TBL1X: variants seen among roughly 807,000 people sequenced by gnomAD.
TBL1X encodes the protein transducin beta like 1 X-linked.
A neutral mutation model predicts 50.7 loss-of-function variants in TBL1X; 10 were observed. The ratio of observed to expected loss-of-function variants is 0.20; its 90% CI spans 0.12 to 0.33. The LOEUF (loss-of-function observed/expected upper bound fraction) is 0.33, where lower values mean the gene tolerates loss of function less well. TBL1X is among the 10% of genes least tolerant of loss of function. TBL1X has a pLI of 1.00. For synonymous variants in TBL1X, 190 were observed against 214.7 expected (o/e 0.88, Z 1.01); for missense variants, 340 against 504.4 (o/e 0.67, Z 3.12).
intron 2 of TBL1X, among the ~76,000 whole-genome samples, chrX:9,612,585 C>T (rs938250132): frequency 2.9e-4 from 32 of 111,774 alleles, no homozygotes; most frequent in Admixed American, 2.4e-3. Context: ...TTTCTACAAG[C>T]GATTCCTATT....
intron 2 of TBL1X, among the ~76,000 whole-genome samples, chrX:9,528,415 T>G (rs1171170105): frequency 9.1e-6 from 1 of 110,281 alleles, no homozygotes. Flanking sequence ...GAGCGAGGAG[T>G]TCTCCCGAGG....
intron 1 of TBL1X, among the ~76,000 whole-genome samples, chrX:9,473,352 C>G (rs760635290): frequency 8.9e-6 from 1 of 112,148 alleles, no homozygotes; most frequent in Non-Finnish European, 1.9e-5. Flanking sequence ...GTAATGCCAG[C>G]TCCATGTTGA....
chrX:9,665,571 CTTGT>C (rs1347512802), intron 5 of TBL1X, among the ~76,000 whole-genome samples: 2 of 71,587 alleles, frequency 2.8e-5, no homozygotes, highest in Non-Finnish European at 5.1e-5. Flanking sequence ...CTTCTTGGAT[CTTGT>C]TTAAGAAAAA....
intron 2 of TBL1X, among the ~76,000 whole-genome samples, chrX:9,570,074 T>G (rs2082376998): frequency 8.9e-6 from 1 of 112,131 alleles, no homozygotes; most frequent in African/African-American, 3.2e-5. Flanking sequence ...GCTCGTTGAT[T>G]TAAAGATGTG....
At chrX:9,509,832 G>A (rs764284917) in intron 2 of TBL1X, among the ~76,000 whole-genome samples, 14 of 110,697 alleles carry the variant, frequency 1.3e-4, no homozygotes, top group Non-Finnish European at 1.9e-4. Flanking sequence ...TGTTAATGGC[G>A]TGCATTTTCT....
At chrX:9,588,393 A>G (rs187980200) in intron 2 of TBL1X, among the ~76,000 whole-genome samples, 17 of 111,638 alleles carry the variant, frequency 1.5e-4, no homozygotes, top group African/African-American at 5.5e-4. Context: ...TTTTTTGGCT[A>G]AGTGAATAAT....
intron 2 of TBL1X, among the ~76,000 whole-genome samples, chrX:9,635,291 C>T (rs1304594477): frequency 9.4e-6 from 1 of 106,733 alleles, no homozygotes; most frequent in East Asian, 3.4e-4. Flanking sequence ...TGGGAGATGG[C>T]GGGGGGTGTG....
At chrX:9,569,972 G>A (rs1009975670) in intron 2 of TBL1X, among the ~76,000 whole-genome samples, 5 of 112,204 alleles carry the variant, frequency 4.5e-5, no homozygotes, top group South Asian at 3.7e-4. Context: ...GGCGTGGGGC[G>A]CAGTCCTGGC....
intron 2 of TBL1X, among the ~76,000 whole-genome samples, chrX:9,565,209 T>G (rs952017094): frequency 1.1e-5 from 1 of 93,844 alleles, no homozygotes. Flanking sequence ...GAGGTGGAGC[T>G]TGCAGTGAGC....
At chrX:9,622,884 A>G (rs1017749121) in intron 2 of TBL1X, among the ~76,000 whole-genome samples, 7 of 111,855 alleles carry the variant, frequency 6.3e-5, no homozygotes, top group African/African-American at 2.0e-4. Flanking sequence ...GTTCATAGAC[A>G]TTTGGGTTGC....
intron 2 of TBL1X, among the ~76,000 whole-genome samples, chrX:9,562,704 G>A (rs1374420549): frequency 9.1e-6 from 1 of 110,373 alleles, no homozygotes; most frequent in Non-Finnish European, 1.9e-5. Context: ...GATTTTTCCT[G>A]AATATTTATT....
chrX:9,602,627 T>C (rs1172886254), intron 2 of TBL1X, among the ~76,000 whole-genome samples: 2 of 111,952 alleles, frequency 1.8e-5, no homozygotes, highest in African/African-American at 3.2e-5. Context: ...TACTTTTAAA[T>C]TGCAGTTGTT....
chrX:9,603,677 G>T (rs2082568084), intron 2 of TBL1X, among the ~76,000 whole-genome samples: 1 of 111,691 alleles, frequency 9.0e-6, no homozygotes, highest in Admixed American at 9.5e-5. Context: ...GTTGGTGGTG[G>T]TTTGTTTCCT....
chrX:9,583,458 G>A (rs2082452620), intron 2 of TBL1X, among the ~76,000 whole-genome samples: 1 of 112,312 alleles, frequency 8.9e-6, no homozygotes, highest in Non-Finnish European at 1.9e-5. Flanking sequence ...TCATGGGAAT[G>A]TATGAGTTAG....
intron 2 of TBL1X, among the ~76,000 whole-genome samples, chrX:9,639,078 T>C (rs1357275632): frequency 8.9e-6 from 1 of 111,909 alleles, no homozygotes; most frequent in Admixed American, 9.5e-5. Flanking sequence ...CCCTGGTTAT[T>C]ACTTTCATCT....
chrX:9,570,984 A>C lies in TBL1X; in HGVS notation c.-131+69135A>C, dbSNP rs771204643. Among the ~76,000 whole-genome samples the C allele has an allele frequency of 2.7e-5, 3 of 111,570 alleles. No individual in the cohort carries two copies. In the South Asian group the frequency reaches 1.1e-3, roughly 41 times the overall value. The stretch of plus-strand genomic sequence containing the variant: ...GAGCCACCGCGCCCGGCCCAAAGTG[A>C]CTCTTATACTCCATTATAATTATGA... On this transcript the variant is annotated intron_variant, in intron 2 of 17. Coordinates refer to ENST00000645353, the MANE Select transcript of TBL1X (RefSeq NM_005647.4).
chrX:9,529,671 A>G (rs756751726), intron 2 of TBL1X, among the ~76,000 whole-genome samples: 8 of 109,162 alleles, frequency 7.3e-5, no homozygotes, highest in Non-Finnish European at 1.5e-4. Flanking sequence ...GGTTGGGCGC[A>G]GTGACTCATG....
chrX:9,536,404 C>T (rs1381214266), intron 2 of TBL1X, among the ~76,000 whole-genome samples: 5 of 109,990 alleles, frequency 4.5e-5, no homozygotes, highest in Admixed American at 1.9e-4. Flanking sequence ...GCATGCACCA[C>T]GATGCCCAGC....
chrX:9,667,698 CAGGGAAAAGGAAG>C (rs1040594799), intron 5 of TBL1X, among the ~76,000 whole-genome samples: 3 of 111,311 alleles, frequency 2.7e-5, no homozygotes, highest in Non-Finnish European at 5.7e-5. Flanking sequence ...GAGTAAATGG[CAGGGAAAAGGAAG>C]AGGGGAAAGG....
Sources: gnomAD v4.1 joint callset for allele counts (sites outside exome capture counted in the v4.1 genomes callset) on GRCh38, gnomAD v4.1.1 for gene constraint, MANE v1.5 for transcripts, NCBI Gene and HGNC (gene_info 2026-07-23, HGNC 2026-07-21) for gene names.